DNAJB4: variants seen among roughly 807,000 people sequenced by gnomAD.
DNAJB4 encodes dnaJ homolog subfamily B member 4.
Under a neutral mutation model 26.6 loss-of-function variants are expected in DNAJB4, and 10 were observed. That is an observed-to-expected ratio of 0.38 (90% CI 0.23 to 0.64). The LOEUF (loss-of-function observed/expected upper bound fraction) is 0.64, where lower values mean the gene tolerates loss of function less well. DNAJB4 is among the 30% of genes least tolerant of loss of function. The pLI, the probability that DNAJB4 is intolerant of heterozygous loss-of-function variation, is 0.58. For synonymous variants in DNAJB4, 136 were observed against 134.8 expected (o/e 1.01, Z -0.06); for missense variants, 328 against 408.2 (o/e 0.80, Z 1.69).
chr1:77,980,409 A>C (rs1442795358), intron 1 of DNAJB4: 2 of 151,562 alleles, frequency 1.3e-5, no homozygotes, highest in African/African-American at 4.9e-5. Context: ...TTCAGTTACC[A>C]AGTAATGCCA....
chr1:77,979,204 A>G (rs1659370765), upstream of DNAJB4: 3 of 578,298 alleles, frequency 5.2e-6, no homozygotes, highest in Non-Finnish European at 9.2e-6. Flanking sequence ...CTGAGAAAGA[A>G]CGACAGGAAC....
chr1:78,010,876 G>A (rs1280574750), intron 1 of DNAJB4, among the ~76,000 whole-genome samples: 1 of 152,062 alleles, frequency 6.6e-6, no homozygotes, highest in Non-Finnish European at 1.5e-5. Flanking sequence ...GATTTAGAAG[G>A]ACTTTAGGAA....
rs776438104 is a variant in DNAJB4 at position 78,005,296 on chromosome 1, A to G, written c.186A>G (p.Glu62=). 1 of 1,613,678 alleles carries G rather than the reference A, an allele frequency of 6.2e-7. No individual in the cohort carries two copies. Residue 62 remains glutamate (E), a synonymous_variant, in exon 1 of 3, where the codon GAA becomes GAG. Transcript: ENST00000370763. The part of the protein sequence containing the change: ...YEVLSDPKKR[E]IYDQFGEEGL... ...TATTGAGTGATCCTAAAAAGAGAGA[A>G]ATATATGATCAGTTTGGGGAGGAAG...
intron 1 of DNAJB4, among the ~76,000 whole-genome samples, chr1:77,989,220 C>T (rs563859872): frequency 1.3e-5 from 2 of 152,298 alleles, no homozygotes; most frequent in East Asian, 1.9e-4. Flanking sequence ...ATTTTATTCA[C>T]GTCTCATCTA....
At chr1:77,992,737 C>CT (rs1018839774) in intron 1 of DNAJB4, 6 of 151,198 alleles carry the variant, frequency 4.0e-5, no homozygotes, top group East Asian at 1.9e-4. Context: ...GACCTTTATT[C>CT]TTTTTTTTTG....
rs933083478 is a variant in DNAJB4, at chr1:77,996,049, G to A, written c.-31-9031G>A. ...TCACTAGTCATTAGCAAGCTTTCAA[G>A]GACTTATTGTAAAAGAGGGTAACAA... On this transcript the variant is annotated intron_variant, in intron 1 of 2. Transcript: ENST00000426517. 3.3e-5 allele frequency among the ~76,000 whole-genome samples: 5 copies of A among 152,136 alleles called. No homozygotes were observed. In the East Asian group the frequency reaches 9.6e-4, roughly 29 times the overall value.
chr1:78,002,301 C>T (rs149073252), upstream of DNAJB4, among the ~76,000 whole-genome samples: 120 of 152,124 alleles, frequency 7.9e-4, no homozygotes, highest in Non-Finnish European at 1.5e-3. Context: ...CCCAAATTGC[C>T]GCATTCATAT....
At chr1:77,992,412 C>CAA (rs67649336) in intron 1 of DNAJB4, among the ~76,000 whole-genome samples, 26,523 of 47,720 alleles carry the variant, frequency 0.56, 9,594 homozygotes, top group Middle Eastern at 0.71. Flanking sequence ...GACTCCGTCT[C>CAA]AAAAAAAAAA....
intron 1 of DNAJB4, among the ~76,000 whole-genome samples, chr1:77,996,143 A>G (rs1660056142): frequency 6.6e-6 from 1 of 152,142 alleles, no homozygotes; most frequent in Non-Finnish European, 1.5e-5. Context: ...ATACTCCCCA[A>G]AAAAGGAAAT....
chr1:78,015,878 A>T, intron 2 of DNAJB4, 136 bp from the exon 3 acceptor site: 1 of 824,496 alleles, frequency 1.2e-6, no homozygotes, highest in Non-Finnish European at 1.8e-6. Flanking sequence ...GAGGAAAAAA[A>T]ATTTATAACT....
At chr1:78,005,474 A>G (rs780683731) in intron 1 of DNAJB4, among the ~76,000 whole-genome samples, 153 bp downstream of exon 1, 20 of 152,148 alleles carry the variant, frequency 1.3e-4, no homozygotes, top group Non-Finnish European at 2.9e-4. Flanking sequence ...GGACAAATGT[A>G]TAATAACAAG....
intron 1 of DNAJB4, among the ~76,000 whole-genome samples, chr1:77,989,752 G>A (rs1330485669): frequency 6.6e-6 from 1 of 152,192 alleles, no homozygotes; most frequent in Non-Finnish European, 1.5e-5. Flanking sequence ...AATCTCTTAA[G>A]TCCAATGATA....
At chr1:78,011,731 G>A (rs900554841) in intron 1 of DNAJB4, among the ~76,000 whole-genome samples, 4 of 151,738 alleles carry the variant, frequency 2.6e-5, no homozygotes, top group Admixed American at 6.6e-5. Flanking sequence ...TGATCCACCC[G>A]ACTCGGCCTC....
chr1:78,012,968 A>T, intron 1 of DNAJB4, 83 bp from the exon 2 acceptor site: 1 of 1,297,040 alleles, frequency 7.7e-7, no homozygotes, highest in Non-Finnish European at 1.0e-6. Flanking sequence ...AGTTAGCCAA[A>T]ATTTATTAGC....
At chr1:77,988,138 C>T (rs377064411) in intron 1 of DNAJB4, among the ~76,000 whole-genome samples, 12 of 150,576 alleles carry the variant, frequency 8.0e-5, no homozygotes, top group Admixed American at 6.0e-4. Context: ...AATCTTGCCT[C>T]GGCCTTCTGA....
upstream of DNAJB4, chr1:77,979,181 G>C (rs770144775): frequency 6.0e-5 from 38 of 637,048 alleles, no homozygotes; most frequent in Admixed American, 8.8e-5. Flanking sequence ...CAACGCGCTG[G>C]TGTGGGTTAG....
chr1:77,989,214 T>G (rs890594231), intron 1 of DNAJB4, among the ~76,000 whole-genome samples: 4 of 152,224 alleles, frequency 2.6e-5, no homozygotes, highest in Admixed American at 2.6e-4. Flanking sequence ...CCTCTAATTT[T>G]ATTCACGTCT....
chr1:78,002,998 C>T (rs1431938004), upstream of DNAJB4, among the ~76,000 whole-genome samples: 3 of 151,962 alleles, frequency 2.0e-5, no homozygotes, highest in Non-Finnish European at 2.9e-5. Flanking sequence ...ATTCCTAGCT[C>T]TCTGAAAATG....
At chr1:78,010,532 T>C (rs1483960039) in intron 1 of DNAJB4, among the ~76,000 whole-genome samples, 1 of 152,206 alleles carries the variant, frequency 6.6e-6, no homozygotes, top group Non-Finnish European at 1.5e-5. Flanking sequence ...CTAACTGCTA[T>C]TTGGATATAT....
Sources: gnomAD v4.1 joint callset for allele counts (sites outside exome capture counted in the v4.1 genomes callset) on GRCh38, gnomAD v4.1.1 for gene constraint, MANE v1.5 for transcripts, NCBI Gene and HGNC (gene_info 2026-07-23, HGNC 2026-07-21) for gene names.